RHBDD1: variants seen among roughly 807,000 people sequenced by gnomAD.
RHBDD1 encodes rhomboid-related protein 4.
Under a neutral mutation model 36.3 loss-of-function variants are expected in RHBDD1, and 38 were observed. That is an observed-to-expected ratio of 1.05 (90% CI 0.81 to 1.37). The LOEUF is 1.37. Ranked by LOEUF, RHBDD1 falls within the 40% of genes most tolerant of loss-of-function variation. RHBDD1 has a pLI of 0.00. For missense variants in RHBDD1, 393 were observed against 377.6 expected, an observed-to-expected ratio of 1.04 and a Z score of -0.34; for synonymous variants, 151 against 136.5, an observed-to-expected ratio of 1.11 and a Z score of -0.74.
intron 5 of RHBDD1, among the ~76,000 whole-genome samples, chr2:226,898,374 G>T (rs1368396331): frequency 6.6e-6 from 1 of 152,176 alleles, no homozygotes; most frequent in African/African-American, 2.4e-5. Flanking sequence ...GATTCTTTTT[G>T]TCTGGACCTC....
intron 3 of RHBDD1, among the ~76,000 whole-genome samples, chr2:226,848,214 A>G (rs1466019231): frequency 6.6e-6 from 1 of 152,010 alleles, no homozygotes; most frequent in Non-Finnish European, 1.5e-5. Context: ...ATTCTATGCT[A>G]TGTAGATCTA....
chr2:226,897,590 T>C (rs893652848), intron 5 of RHBDD1, among the ~76,000 whole-genome samples: 1 of 152,090 alleles, frequency 6.6e-6, no homozygotes, highest in Non-Finnish European at 1.5e-5. Flanking sequence ...CTTCCACTCA[T>C]GGTGGAAGGT....
At chr2:226,902,793 G>C (rs1947703808) in intron 5 of RHBDD1, among the ~76,000 whole-genome samples, 1 of 152,170 alleles carries the variant, frequency 6.6e-6, no homozygotes, top group South Asian at 2.1e-4. Flanking sequence ...CGGACTGCCA[G>C]CCTCCCTTCC....
At chr2:226,861,244 A>C (rs1943825705) in intron 3 of RHBDD1, among the ~76,000 whole-genome samples, 1 of 152,144 alleles carries the variant, frequency 6.6e-6, no homozygotes, top group Non-Finnish European at 1.5e-5. Context: ...TGTGTGCAGG[A>C]GAGAGTAGGG....
intron 8 of RHBDD1, among the ~76,000 whole-genome samples, chr2:226,915,675 A>T (rs1948850040): frequency 6.6e-6 from 1 of 152,180 alleles, no homozygotes; most frequent in East Asian, 1.9e-4. Flanking sequence ...GGAGGTGGGG[A>T]ATGACAACAA....
chr2:226,808,749 A>T, the RHBDD1 span: 1 of 152,096 alleles, frequency 6.6e-6, no homozygotes, highest in African/African-American at 2.4e-5. Context: ...TTATGACCTT[A>T]CCTCAGAAGT....
intron 5 of RHBDD1, among the ~76,000 whole-genome samples, chr2:226,891,784 A>G (rs958621325): frequency 6.6e-5 from 10 of 152,226 alleles, no homozygotes; most frequent in African/African-American, 1.9e-4. Context: ...GATATCAGAT[A>G]GCTTCTAATA....
chr2:226,952,595 C>T (rs1951503775), intron 8 of RHBDD1, among the ~76,000 whole-genome samples: 1 of 152,148 alleles, frequency 6.6e-6, no homozygotes, highest in African/African-American at 2.4e-5. Context: ...GGCCTGACTT[C>T]TTTTTTCTTT....
intron 8 of RHBDD1, among the ~76,000 whole-genome samples, chr2:226,927,116 C>A (rs1949715062): frequency 6.6e-6 from 1 of 152,106 alleles, no homozygotes. Flanking sequence ...CCTACTCTGA[C>A]CCTTAATCCT....
the RHBDD1 span, among the ~76,000 whole-genome samples, chr2:226,826,516 G>C: frequency 6.2e-4 from 63 of 101,050 alleles, no homozygotes; most frequent in African/African-American, 2.0e-3. Flanking sequence ...AATCATGATA[G>C]ATTTTTTTTT....
the RHBDD1 span, among the ~76,000 whole-genome samples, chr2:226,812,751 T>C: frequency 6.6e-6 from 1 of 152,186 alleles, no homozygotes; most frequent in East Asian, 1.9e-4. Context: ...GGGACTCATT[T>C]AAAAAAATTC....
At chr2:226,945,025 G>A (rs1477443936) in intron 8 of RHBDD1, among the ~76,000 whole-genome samples, 1 of 151,936 alleles carries the variant, frequency 6.6e-6, no homozygotes, top group Non-Finnish European at 1.5e-5. Context: ...AGATTTGTGG[G>A]GAGGATTGCA....
At chr2:226,917,004 C>T (rs1324318932) in intron 8 of RHBDD1, among the ~76,000 whole-genome samples, 3 of 152,080 alleles carry the variant, frequency 2.0e-5, no homozygotes, top group Non-Finnish European at 4.4e-5. Flanking sequence ...ATTTTATAGA[C>T]TTGAATCTAG....
chr2:226,967,856 A>G (rs1248579435), intron 8 of RHBDD1, among the ~76,000 whole-genome samples: 2 of 152,022 alleles, frequency 1.3e-5, no homozygotes, highest in African/African-American at 2.4e-5. Flanking sequence ...GGGGCCCAGG[A>G]ATGTTAAATA....
the RHBDD1 span, among the ~76,000 whole-genome samples, chr2:226,802,767 G>A: frequency 3.9e-5 from 6 of 152,184 alleles, no homozygotes; most frequent in Admixed American, 3.9e-4. Context: ...GGCTAAAATA[G>A]TGATTTCATC....
intron 8 of RHBDD1, among the ~76,000 whole-genome samples, chr2:226,955,006 G>A (rs952465397): frequency 7.2e-5 from 11 of 151,940 alleles, no homozygotes; most frequent in African/African-American, 2.7e-4. Context: ...GGGAGAGATT[G>A]GTGTGCTTGA....
rs182926894 is a variant in RHBDD1, at chr2:226,901,789, A to G, written c.567-5004A>G. ...TGTAAAGAACTATAGCTCATTGGCA[A>G]TAAATGACCCAATTGAAAAATGAGT... is the stretch of plus-strand genomic sequence containing the variant. On this transcript the variant is annotated intron_variant, in intron 5 of 8. Coordinates refer to ENST00000392062, the MANE Select transcript of RHBDD1 (RefSeq NM_001167608.3). 7.2e-4 allele frequency among the ~76,000 whole-genome samples: 109 copies of G among 152,372 alleles called. No individual in the cohort carries two copies. In the East Asian group the frequency reaches 0.013, roughly 18 times the overall value.
chr2:226,897,235 C>T (rs1003110487), intron 5 of RHBDD1, among the ~76,000 whole-genome samples: 2 of 152,168 alleles, frequency 1.3e-5, no homozygotes, highest in African/African-American at 4.8e-5. Flanking sequence ...AATGACACCT[C>T]CTTGAGAAGC....
At chr2:226,841,571 C>T (rs1372459387) in intron 3 of RHBDD1, among the ~76,000 whole-genome samples, 4 of 152,136 alleles carry the variant, frequency 2.6e-5, no homozygotes, top group Non-Finnish European at 4.4e-5. Flanking sequence ...TTTCTGTTCC[C>T]ATGTCAGTTT....
Sources: allele counts gnomAD v4.1 joint callset (sites outside exome capture counted in the v4.1 genomes callset), GRCh38; gene constraint gnomAD v4.1.1; transcripts MANE v1.5; gene names NCBI Gene and HGNC (gene_info 2026-07-23, HGNC 2026-07-21).